LYZL2: variants seen among roughly 807,000 people sequenced by gnomAD.
The protein encoded by LYZL2 is lysozyme like 2.
In LYZL2, 13 loss-of-function variants were observed where a neutral mutation model predicts 17.1. The observed-to-expected ratio is 0.76, with a 90% confidence interval of 0.49 to 1.21. The LOEUF (loss-of-function observed/expected upper bound fraction) is 1.21. Among genes scored for constraint, LYZL2 ranks in the 50% most tolerant of loss-of-function variants. The pLI is 0.00. For missense variants in LYZL2, 166 were observed against 189.2 expected (o/e 0.88, Z 0.72); for synonymous variants, 63 against 74.4 (o/e 0.85, Z 0.79).
intron 3 of LYZL2, among the ~76,000 whole-genome samples, chr10:30,615,469 A>G (rs757584860): frequency 9.2e-5 from 14 of 152,110 alleles, no homozygotes; most frequent in Non-Finnish European, 2.1e-4. Context: ...ACCATAGTTA[A>G]TTATACTGTA....
chr10:30,629,734 G>A lies in LYZL2; in HGVS notation c.-167C>T, dbSNP rs749299310. ...CTGAAGCCATGTCTGATTCTAACAAGGCTCGAGTAATCCTTTCCTAGCTCA... is the reference window on the plus strand; with the variant it reads ...CTGAAGCCATGTCTGATTCTAACAAAGCTCGAGTAATCCTTTCCTAGCTCA... On this transcript the variant is annotated 5_prime_UTR_variant, in exon 1 of 5. Transcript: ENST00000647634. The A allele has an allele frequency of 8.8e-6, 14 of 1,589,670 alleles. No individual in the cohort carries two copies. The Admixed American group carries it at 2.3e-4, about 26-fold the overall frequency.
chr10:30,620,159 T>C (rs61846094), intron 3 of LYZL2, among the ~76,000 whole-genome samples: 21,811 of 152,134 alleles, frequency 0.14, 1,703 homozygotes, highest in East Asian at 0.24. Flanking sequence ...GTAAATAAAG[T>C]TTTATTAGAA....
intron 3 of LYZL2, among the ~76,000 whole-genome samples, chr10:30,625,594 A>G (rs760158441): frequency 2.6e-5 from 4 of 152,192 alleles, no homozygotes; most frequent in Non-Finnish European, 5.9e-5. Flanking sequence ...AGAGGAGGGA[A>G]GGTTGCTTGA....
At chr10:30,612,157 A>G in intron 4 of LYZL2, 133 bp from the exon 5 acceptor site, 1 of 1,081,926 alleles carries the variant, frequency 9.2e-7, no homozygotes. Flanking sequence ...TTCTGAGATC[A>G]AAGGACGCTG....
At chr10:30,620,951 G>T (rs892672089) in intron 3 of LYZL2, among the ~76,000 whole-genome samples, 1 of 151,758 alleles carries the variant, frequency 6.6e-6, no homozygotes, top group Admixed American at 6.6e-5. Flanking sequence ...ACTAAAAAAC[G>T]AGGAACCTCA....
intron 3 of LYZL2, among the ~76,000 whole-genome samples, chr10:30,617,065 G>A (rs1225124573): frequency 6.6e-5 from 10 of 152,246 alleles, no homozygotes; most frequent in East Asian, 5.8e-4. Flanking sequence ...GTGGTCTAGC[G>A]TATTTCCTGG....
rs1486730480 is a variant in LYZL2 at position 30,612,156 on chromosome 10, C to T, written c.378-132G>A. 8.3e-6 allele frequency: 9 copies of T among 1,086,414 alleles called. No homozygotes were observed. In the Admixed American group the frequency reaches 2.0e-4, roughly 24 times the overall value. 67.3% of individuals were successfully genotyped at this position (1,086,414 alleles called of 1,614,324 possible). A position where few individuals can be genotyped will look rare whatever the true frequency, so the allele number is the denominator to read the frequency against. ...GTTGGGTTTCATTTGCTTCTGAGAT[C>T]AAAGGACGCTGTCATTTTGCCTAGT... is the stretch of plus-strand genomic sequence containing the variant. On this transcript the variant is annotated intron_variant, in intron 4 of 4. Coordinates refer to ENST00000647634, the MANE Select transcript of LYZL2 (RefSeq NM_183058.3).
chr10:30,622,269 G>A (rs911789099), intron 3 of LYZL2, among the ~76,000 whole-genome samples: 4 of 152,156 alleles, frequency 2.6e-5, no homozygotes, highest in African/African-American at 9.6e-5. Flanking sequence ...CATATCAGCC[G>A]GGTGCAGTGG....
Position 30,616,418 on chromosome 10 carries a change from C to T in LYZL2, c.299-3518G>A, listed in dbSNP as rs372306804. Among the ~76,000 whole-genome samples, 3 of 152,244 alleles carry T rather than the reference C, an allele frequency of 2.0e-5. No homozygotes were observed. In the South Asian group the frequency reaches 6.2e-4, roughly 31 times the overall value. On this transcript the variant is annotated intron_variant, in intron 3 of 4. Coordinates refer to ENST00000647634, the MANE Select transcript of LYZL2 (RefSeq NM_183058.3). Reference sequence around the variant, plus strand: ...TTCTCTTGCCAGCCTGGTGCGGTGGCTCACGCCTATAATCCCAGCACTTTG... The same window carrying T: ...TTCTCTTGCCAGCCTGGTGCGGTGGTTCACGCCTATAATCCCAGCACTTTG...
At chr10:30,611,353 T>C (rs76105102), downstream of LYZL2, among the ~76,000 whole-genome samples, 17,264 of 151,392 alleles carry the variant, frequency 0.11, 1,065 homozygotes, top group South Asian at 0.18. Flanking sequence ...AGAAACCCCA[T>C]CTGGGTGTGG....
In LYZL2 at chr10:30,626,148, G is replaced by A. The variant is rs147995367; in HGVS notation, c.255C>T (p.Arg85=). The change falls in exon 3 of 5, where the codon CGC becomes CGT. Residue 85 remains arginine, a synonymous_variant. Transcript: ENST00000647634. ...FQINSFAWCR[R]GKLKENNHCH... ...AGTGGTTGTTCTCCTTCAGCTTTCC[G>A]CGTCTGCACCACGCGAAGCTGTTGA... 35 of 1,614,240 alleles carry A rather than the reference G, an allele frequency of 2.2e-5. 2 individuals carry two copies. The highest frequency in any genetic ancestry group is 9.9e-5 in the South Asian group (9 of 91,090).
chr10:30,620,026 A>G (rs1838595548), intron 3 of LYZL2, among the ~76,000 whole-genome samples: 1 of 152,154 alleles, frequency 6.6e-6, no homozygotes, highest in Non-Finnish European at 1.5e-5. Context: ...GTATTTATCG[A>G]TTGCTTCTTC....
At chr10:30,609,955 T>C (rs573617967), downstream of LYZL2, among the ~76,000 whole-genome samples, 3 of 152,328 alleles carry the variant, frequency 2.0e-5, no homozygotes, top group Admixed American at 6.5e-5. Context: ...AGTCTAATGG[T>C]AGCACACCCA....
chr10:30,607,208 A>G, downstream of LYZL2, among the ~76,000 whole-genome samples: 1 of 12,204 alleles, frequency 8.2e-5, no homozygotes, highest in Non-Finnish European at 2.0e-4. Context: ...CACCGCGCCC[A>G]GCCTATTTTC....
At chr10:30,617,584 A>G (rs1838549726) in intron 3 of LYZL2, among the ~76,000 whole-genome samples, 1 of 143,068 alleles carries the variant, frequency 7.0e-6, no homozygotes, top group African/African-American at 2.6e-5. Flanking sequence ...CTGAGGCAGG[A>G]GAATTGCTTG....
downstream of LYZL2, among the ~76,000 whole-genome samples, chr10:30,610,694 G>A (rs757679949): frequency 2.0e-5 from 3 of 152,074 alleles, no homozygotes; most frequent in Non-Finnish European, 4.4e-5. Context: ...TGGCCTCCCA[G>A]ATTGTTGGGA....
chr10:30,626,877 C>T lies in LYZL2; in HGVS notation c.39G>A (p.Leu13=), dbSNP rs754060817. ...AGATTTTGGACTCGGCGCCTGTGAC[C>T]AGGCAGCCAATGAGGGTCAGAATGC... The part of the protein sequence containing the change: ...AAGILTLIGC[L]VTGAESKIYT... The change falls in exon 2 of 5, where the codon CTG becomes CTA. Residue 13 remains leucine, a synonymous_variant. Transcript: ENST00000647634. The T allele has an allele frequency of 1.6e-5, 26 of 1,613,428 alleles. No homozygotes were observed. The Middle Eastern group carries it at 1.7e-3, about 102-fold the overall frequency.
intron 1 of LYZL2, 55 bp downstream of exon 1, chr10:30,629,538 T>G: frequency 1.3e-6 from 2 of 1,582,450 alleles, no homozygotes; most frequent in Non-Finnish European, 8.7e-7. Context: ...TTCAAGAACC[T>G]GCCATTGCTG....
chr10:30,623,695 G>A (rs78195011), intron 3 of LYZL2, among the ~76,000 whole-genome samples: 1 of 152,168 alleles, frequency 6.6e-6, no homozygotes, highest in Non-Finnish European at 1.5e-5. Flanking sequence ...CTAGTTGCAG[G>A]AAAATAAGCC....
Sources: allele counts gnomAD v4.1 joint callset (sites outside exome capture counted in the v4.1 genomes callset), GRCh38; gene constraint gnomAD v4.1.1; transcripts MANE v1.5; gene names NCBI Gene and HGNC (gene_info 2026-07-23, HGNC 2026-07-21).